The following LSAMP variants were observed in gnomAD, a reference collection of about 807,000 sequenced individuals.
LSAMP encodes limbic system-associated membrane protein.
In LSAMP, 7 loss-of-function variants were observed where a neutral mutation model predicts 38.6. The observed-to-expected ratio is 0.18, with a 90% CI of 0.10 to 0.34. The LOEUF (loss-of-function observed/expected upper bound fraction) is 0.34. Ranked by LOEUF, LSAMP falls within the 10% of genes least tolerant of loss-of-function variation. The pLI, the probability that LSAMP is intolerant of heterozygous loss-of-function variation, is 1.00. For synonymous variants in LSAMP, 154 were observed against 166.8 expected (o/e 0.92, Z 0.59); for missense variants, 313 against 420.0 (o/e 0.75, Z 2.23).
chr3:116,394,066 C>A (rs1232258400), intron 1 of LSAMP, among the ~76,000 whole-genome samples: 1 of 152,120 alleles, frequency 6.6e-6, no homozygotes, highest in Admixed American at 6.5e-5. Context: ...ATCTAAGGCA[C>A]CTGTTTTTGT....
At chr3:116,244,795 C>T (rs1195648898) in intron 1 of LSAMP, among the ~76,000 whole-genome samples, 2 of 152,096 alleles carry the variant, frequency 1.3e-5, no homozygotes, top group Non-Finnish European at 2.9e-5. Flanking sequence ...TGGGCAATGA[C>T]CTCATTCTAT....
chr3:115,900,149 T>C (rs1936837440), intron 3 of LSAMP, among the ~76,000 whole-genome samples: 2 of 152,184 alleles, frequency 1.3e-5, no homozygotes. Context: ...TTAAAGATAT[T>C]ATTCTCTAGG....
chr3:115,912,189 G>C (rs959582779), intron 3 of LSAMP, among the ~76,000 whole-genome samples: 2 of 151,800 alleles, frequency 1.3e-5, no homozygotes, highest in East Asian at 3.9e-4. Context: ...TTCCTTTTAC[G>C]GACCATGCTT....
chr3:116,201,797 C>T (rs2045990577), intron 1 of LSAMP, among the ~76,000 whole-genome samples: 1 of 152,142 alleles, frequency 6.6e-6, no homozygotes, highest in African/African-American at 2.4e-5. Flanking sequence ...AGACTCTTTC[C>T]TGACCAAGGA....
chr3:116,421,199 A>G (rs2049118593), intron 1 of LSAMP, among the ~76,000 whole-genome samples: 1 of 152,248 alleles, frequency 6.6e-6, no homozygotes, highest in African/African-American at 2.4e-5. Context: ...TCAAAATTCA[A>G]AACTTTTACA....
intron 6 of LSAMP, among the ~76,000 whole-genome samples, chr3:115,832,097 G>T (rs1001591880): frequency 6.6e-6 from 1 of 152,132 alleles, no homozygotes; most frequent in Non-Finnish European, 1.5e-5. Flanking sequence ...ACTCTGCTGT[G>T]CATCCCCAGT....
intron 1 of LSAMP, among the ~76,000 whole-genome samples, chr3:116,436,591 T>A (rs1480741289): frequency 1.3e-5 from 2 of 151,228 alleles, no homozygotes; most frequent in African/African-American, 4.9e-5. Context: ...TATGAAAGAA[T>A]GCTCAACATT....
intron 1 of LSAMP, among the ~76,000 whole-genome samples, chr3:116,260,343 A>C (rs1013056777): frequency 1.3e-5 from 2 of 152,076 alleles, no homozygotes; most frequent in African/African-American, 4.8e-5. Flanking sequence ...AGATTTATTA[A>C]AATAATAATA....
At chr3:115,934,825 G>A (rs751475479) in intron 3 of LSAMP, among the ~76,000 whole-genome samples, 1 of 152,122 alleles carries the variant, frequency 6.6e-6, no homozygotes, top group Non-Finnish European at 1.5e-5. Context: ...TTTCAGACTT[G>A]AAAAGTTCTT....
intron 2 of LSAMP, among the ~76,000 whole-genome samples, chr3:116,042,676 C>A (rs1941201694): frequency 1.3e-5 from 2 of 152,158 alleles, no homozygotes; most frequent in African/African-American, 4.8e-5. Context: ...GATCCACCCG[C>A]CTTGGCCTCC....
rs537394913 is a variant in LSAMP, at chr3:116,203,418, C to G, written c.156-116862G>C. Among the ~76,000 whole-genome samples, 244 of 151,262 alleles carry G rather than the reference C, an allele frequency of 1.6e-3. 2 individuals are homozygous for G. The highest frequency in any genetic ancestry group is 5.6e-3 in the African/African-American group (232 of 41,212). The stretch of plus-strand genomic sequence containing the variant: ...ATTTATTTTTTATTTTTTTATTATA[C>G]TTTAAGTTTTAGGGTACATGTGCAC... On this transcript the variant is annotated intron_variant, in intron 1 of 6. Coordinates refer to ENST00000490035, the MANE Select transcript of LSAMP (RefSeq NM_002338.5).
chr3:116,122,040 T>G (rs1708888406), intron 1 of LSAMP, among the ~76,000 whole-genome samples: 1 of 152,132 alleles, frequency 6.6e-6, no homozygotes, highest in Non-Finnish European at 1.5e-5. Flanking sequence ...TTCACTATAC[T>G]CTTTTTCTTC....
chr3:115,826,518 G>A (rs544865369), intron 6 of LSAMP, among the ~76,000 whole-genome samples: 1 of 152,164 alleles, frequency 6.6e-6, no homozygotes, highest in East Asian at 1.9e-4. Flanking sequence ...TCTTCACATG[G>A]ACTTAAAGTT....
chr3:115,953,540 T>C (rs909480502), intron 3 of LSAMP, among the ~76,000 whole-genome samples: 5 of 152,088 alleles, frequency 3.3e-5, no homozygotes, highest in Admixed American at 1.3e-4. Context: ...CCCCAAACTT[T>C]TCCCTCATCA....
At chr3:115,859,462 G>A (rs945584776) in intron 3 of LSAMP, among the ~76,000 whole-genome samples, 13 of 152,170 alleles carry the variant, frequency 8.5e-5, no homozygotes, top group African/African-American at 2.4e-4. Context: ...GAAGAAAGAG[G>A]CATATGACTG....
chr3:116,085,409 C>T (rs947642332), intron 2 of LSAMP, among the ~76,000 whole-genome samples: 1 of 152,214 alleles, frequency 6.6e-6, no homozygotes, highest in African/African-American at 2.4e-5. Context: ...TTTTCCACAC[C>T]ACTGACTGCA....
rs1933777872 is a variant in LSAMP at position 115,810,251 on chromosome 3, C to CTCTT, written c.*65_*66insAAGA. ...TCTCTCTCTCTCTCTCTCTGTCTCT[C>CTCTT]TCTCTCTGTATTCTGTGTGACGCAT... On this transcript the variant is annotated 3_prime_UTR_variant, in exon 7 of 7. Transcript: ENST00000490035. The CTCTT allele has an allele frequency of 1.2e-5, 14 of 1,129,460 alleles. No individual in the cohort carries two copies. In the East Asian group the frequency reaches 1.3e-4, roughly 10 times the overall value. The allele number at this position is 1,129,460 out of a possible 1,614,324, so 70.0% of individuals were successfully genotyped here.
At chr3:116,037,201 C>T (rs1295557531) in intron 2 of LSAMP, among the ~76,000 whole-genome samples, 2 of 152,144 alleles carry the variant, frequency 1.3e-5, no homozygotes, top group Non-Finnish European at 2.9e-5. Flanking sequence ...TGGCATTTTG[C>T]AGGTTTCCTT....
rs185805812 is a variant in LSAMP, at chr3:116,341,297, G to T, written c.155+103580C>A. On this transcript the variant is annotated intron_variant, in intron 1 of 6. Coordinates refer to ENST00000490035, the MANE Select transcript of LSAMP (RefSeq NM_002338.5). ...TAAAAAGTGTTTTTTGTTGTTGTTG[G>T]TGGTGGTGGTGTAGTGTTAGCTCAG... Among the ~76,000 whole-genome samples the T allele has an allele frequency of 2.4e-3, 362 of 151,950 alleles. 5 individuals carry two copies. Among genetic ancestry groups the T allele is most frequent in the African/African-American group, 7.6e-3 (317 of 41,466 alleles).
Sources: gnomAD v4.1 joint callset for allele counts (sites outside exome capture counted in the v4.1 genomes callset) on GRCh38, gnomAD v4.1.1 for gene constraint, MANE v1.5 for transcripts, NCBI Gene and HGNC (gene_info 2026-07-23, HGNC 2026-07-21) for gene names.